The following VGF variants were observed in gnomAD, a reference collection of about 807,000 sequenced individuals.
The protein encoded by VGF is neurosecretory protein VGF.
In VGF, 13 loss-of-function variants were observed where a neutral mutation model predicts 41.1. That is an observed-to-expected ratio of 0.32 (90% CI 0.21 to 0.50). VGF has a LOEUF of 0.50. Ranked by LOEUF, VGF falls within the 20% of genes least tolerant of loss-of-function variation. The pLI is 0.98. For synonymous variants in VGF, 473 were observed against 418.3 expected, an observed-to-expected ratio of 1.13 and a Z score of -1.60; for missense variants, 920 against 882.1, an observed-to-expected ratio of 1.04 and a Z score of -0.54.
rs200936154 is a variant in VGF at position 101,164,605 on chromosome 7, C to T, written c.239G>A (p.Arg80Gln). ...CTGCAGCAGCACCGCGGCCAGCGCC[C>T]GGGGATCCACGCCCTGGAAAAGCTC... Reference protein sequence around the residue: ...EGELFQGVDPRALAAVLLQAL... With the variant: ...EGELFQGVDPQALAAVLLQAL... Residue 80 changes from arginine (R) to glutamine (Q), a missense_variant, in exon 2 of 2, where the codon CGG (arginine) becomes CAG (glutamine). Transcript: ENST00000249330. 1.5e-4 allele frequency: 233 copies of T among 1,598,662 alleles called. No individual in the cohort carries two copies. In the Middle Eastern group the frequency reaches 1.8e-3, roughly 13 times the overall value.
chr7:101,164,840 TCATGACCAA>T lies in VGF; in HGVS notation c.-6_3del. Reference sequence around the variant, plus strand: ...GCGGAAGCCGACAATCTGAGGGCTTTCATGACCAAGAGGCTGCCGGAGACTGAAAAATAG... The same window carrying T: ...GCGGAAGCCGACAATCTGAGGGCTTTGAGGCTGCCGGAGACTGAAAAATAG... On this transcript the variant is annotated start_lost and 5_prime_UTR_variant, in exon 2 of 2. Coordinates refer to ENST00000249330, the MANE Select transcript of VGF (RefSeq NM_003378.4). 6.5e-7 allele frequency: 1 copy of T among 1,550,032 alleles called. No individual in the cohort carries two copies.
chr7:101,165,330 G>T, intron 1 of VGF, 44 bp downstream of exon 1: 5 of 985,936 alleles, frequency 5.1e-6, no homozygotes, highest in Non-Finnish European at 6.0e-6. Flanking sequence ...TCACGCCCAC[G>T]GCTGGCTGCC....
upstream of VGF, among the ~76,000 whole-genome samples, chr7:101,168,615 A>C (rs997455128): frequency 6.6e-6 from 1 of 152,074 alleles, no homozygotes; most frequent in Non-Finnish European, 1.5e-5. Context: ...ATTGGTTCTG[A>C]CTTGTTTGTG....
chr7:101,164,999 GT>G, intron 1 of VGF, 136 bp from the exon 2 acceptor site: 1 of 1,376,618 alleles, frequency 7.3e-7, no homozygotes, highest in South Asian at 2.0e-5. Flanking sequence ...GAAGAGGAAC[GT>G]TTAGGAGCAA....
At position 101,163,884 on chromosome 7, in the gene VGF, C is replaced by T. The variant is rs996718500; in HGVS notation, c.960G>A (p.Gln320=). ...QAEATRQAAA[Q]EERLADLASD... ...AGGCGAGGTCGGCCAGCCGCTCTTC[C>T]TGCGCCGCGGCCTGCCGCGTGGCCT... The change falls in exon 2 of 2, where the codon CAG becomes CAA. Residue 320 remains glutamine (Q), a synonymous_variant. Coordinates refer to ENST00000249330, the MANE Select transcript of VGF (RefSeq NM_003378.4). This position sits in a 1 kb window ranked among gnomAD's most constrained non-coding sequence, Gnocchi z 5.0. 4.7e-6 allele frequency: 7 copies of T among 1,491,084 alleles called. No homozygotes were observed. Among genetic ancestry groups the T allele is most frequent in the South Asian group, 1.3e-5 (1 of 78,194 alleles). 92.4% of individuals were successfully genotyped at this position (1,491,084 alleles called of 1,614,324 possible). A position where few individuals can be genotyped will look rare whatever the true frequency, so the allele number is the denominator to read the frequency against.
upstream of VGF, among the ~76,000 whole-genome samples, chr7:101,166,412 A>G (rs1453185568): frequency 1.3e-5 from 2 of 151,202 alleles, no homozygotes; most frequent in Non-Finnish European, 2.9e-5. Flanking sequence ...CCTTCGGCCC[A>G]TCTCTTCCCA....
chr7:101,168,019 G>GTTTTT (rs1554368356), upstream of VGF, among the ~76,000 whole-genome samples: 1 of 121,376 alleles, frequency 8.2e-6, no homozygotes, highest in African/African-American at 3.1e-5. Context: ...GTTTTTTTTT[G>GTTTTT]TTTTTTTTTT....
Position 101,162,951 on chromosome 7 carries a change from C to T in VGF, c.*45G>A. ...GGCAACACGGAGGGGGGCGCCGGCG[C>T]GCGCGCGCGGCGGGGGCGCGCGGGG... On this transcript the variant is annotated 3_prime_UTR_variant, in exon 2 of 2. Transcript: ENST00000249330. This position sits in a 1 kb window ranked among gnomAD's most constrained non-coding sequence, Gnocchi z 4.2. 3.0e-6 allele frequency: 3 copies of T among 1,010,784 alleles called. No homozygotes were observed. The highest frequency in any genetic ancestry group is 3.2e-5 in the South Asian group (1 of 31,138). 62.6% of individuals were successfully genotyped at this position (1,010,784 alleles called of 1,614,324 possible).
At chr7:101,165,586 T>G, upstream of VGF, 1 of 985,310 alleles carries the variant, frequency 1.0e-6, no homozygotes. Context: ...CGCCCGCGCC[T>G]CCACCGCCTT....
At chr7:101,165,756 T>C (rs1180327396), upstream of VGF, among the ~76,000 whole-genome samples, 4 of 151,974 alleles carry the variant, frequency 2.6e-5, no homozygotes, top group Admixed American at 6.5e-5. Context: ...GGCCTTCGGC[T>C]GAAGGGGTGT....
Position 101,163,789 on chromosome 7 carries a change from T to A in VGF, c.1055A>T (p.Gln352Leu). The A allele has an allele frequency of 6.5e-7, 1 of 1,532,406 alleles. No individual in the cohort carries two copies. The highest frequency in any genetic ancestry group is 8.7e-7 in the Non-Finnish European group (1 of 1,143,854). The allele number at this position is 1,532,406 out of a possible 1,614,324, so 94.9% of individuals were successfully genotyped here. The change falls in exon 2 of 2, where the codon CAG becomes CTG. Residue 352 changes from glutamine to leucine, a missense_variant. Around this residue, in one of 3 missense-constraint regions of VGF, gnomAD observed 654 missense variants for 638.4 expected, o/e 1.02. Coordinates refer to ENST00000249330, the MANE Select transcript of VGF (RefSeq NM_003378.4). The surrounding 1 kb of genome is among the most constrained non-coding windows in gnomAD (Gnocchi z 5.0). Reference sequence around the variant, plus strand: ...ACTCTCTCGCTCCTCCGCCGCCTCCTGCAGCCCCCGACCCCCGAGGCCGCG... The same window carrying A: ...ACTCTCTCGCTCCTCCGCCGCCTCCAGCAGCCCCCGACCCCCGAGGCCGCG... ...RQRGLGGRGLQEAAEERESAR... is the reference protein window; with the variant it reads ...RQRGLGGRGLLEAAEERESAR...
upstream of VGF, among the ~76,000 whole-genome samples, chr7:101,166,854 G>C (rs1008435197): frequency 1.6e-4 from 24 of 148,988 alleles, no homozygotes; most frequent in African/African-American, 5.5e-4. Flanking sequence ...AGGAATGAAG[G>C]GGAGGGAGGG....
At position 101,163,771 on chromosome 7, in the gene VGF, C is replaced by T. The variant is rs1797162403; in HGVS notation, c.1073G>A (p.Arg358Gln). The T allele has an allele frequency of 6.5e-7, 1 of 1,530,474 alleles. No homozygotes were observed. The allele number at this position is 1,530,474 out of a possible 1,614,324, so 94.8% of individuals were successfully genotyped here. A position where few individuals can be genotyped will look rare whatever the true frequency, so the allele number is the denominator to read the frequency against. ...CTCCTCCTCCTCCCTTGCACTCTCTCGCTCCTCCGCCGCCTCCTGCAGCCC... is the reference window on the plus strand; with the variant it reads ...CTCCTCCTCCTCCCTTGCACTCTCTTGCTCCTCCGCCGCCTCCTGCAGCCC... ...GRGLQEAAEE[R>Q]ESAREEEEAE... is the part of the protein sequence containing the mutation. The change falls in exon 2 of 2, where the codon CGA becomes CAA. Residue 358 changes from arginine to glutamine, a missense_variant. Transcript: ENST00000249330. This position sits in a 1 kb window ranked among gnomAD's most constrained non-coding sequence, Gnocchi z 5.0.
chr7:101,168,219 T>C (rs1797252732), upstream of VGF, among the ~76,000 whole-genome samples: 1 of 152,052 alleles, frequency 6.6e-6, no homozygotes, highest in Non-Finnish European at 1.5e-5. Context: ...CAGGAGAGTT[T>C]CTCAGAAATC....
At chr7:101,165,150 T>TG (rs1226403168) in intron 1 of VGF, 12 of 1,094,974 alleles carry the variant, frequency 1.1e-5, no homozygotes, top group African/African-American at 6.6e-5. Context: ...AGCAGCAATA[T>TG]GGGGGAAAAA....
chr7:101,165,786 A>AAATGAATG (rs144873811), upstream of VGF, among the ~76,000 whole-genome samples: 464 of 152,088 alleles, frequency 3.1e-3, 1 homozygote, highest in African/African-American at 0.01. Context: ...GAGCTCCGGG[A>AAATGAATG]AATGAATGAA....
chr7:101,164,594 C>T lies in VGF; in HGVS notation c.250G>A (p.Ala84Thr), dbSNP rs1158215693. 5.6e-6 allele frequency: 9 copies of T among 1,599,662 alleles called. No homozygotes were observed. Among genetic ancestry groups the T allele is most frequent in the Non-Finnish European group, 7.7e-6 (9 of 1,175,478 alleles). Residue 84 changes from alanine to threonine, a missense_variant, in exon 2 of 2, where the codon GCG becomes ACG. Physicochemically the swap from Ala to Thr is moderately conservative, Grantham distance 58. This residue lies in a region of VGF where 654 missense variants were observed against 638.4 expected (regional missense o/e 1.02). Transcript: ENST00000249330. Reference protein sequence around the residue: ...FQGVDPRALAAVLLQALDRPA... With the variant: ...FQGVDPRALATVLLQALDRPA... ...CGGTCGAGTGCCTGCAGCAGCACCG[C>T]GGCCAGCGCCCGGGGATCCACGCCC...
upstream of VGF, among the ~76,000 whole-genome samples, chr7:101,168,850 C>T (rs566271998): frequency 6.6e-6 from 1 of 152,152 alleles, no homozygotes; most frequent in African/African-American, 2.4e-5. Flanking sequence ...CCCCCTCCCC[C>T]CAACCGGTGA....
At chr7:101,165,239 C>T in intron 1 of VGF, 135 bp downstream of exon 1, 2 of 995,770 alleles carry the variant, frequency 2.0e-6, no homozygotes, top group Non-Finnish European at 2.4e-6. Flanking sequence ...AGCTGCGACT[C>T]CCCCGTTTAC....
Sources: gnomAD v4.1 joint callset for allele counts (sites outside exome capture counted in the v4.1 genomes callset) on GRCh38, gnomAD v4.1.1 for gene constraint, gnomAD v4.1.1 regional missense constraint, Gnocchi (gnomAD v3.1) non-coding constraint, MANE v1.5 for transcripts, NCBI Gene and HGNC (gene_info 2026-07-23, HGNC 2026-07-21) for gene names.